Variants in VPS13D observed in about 807,000 individuals in gnomAD.
The protein encoded by VPS13D is vacuolar protein sorting 13 homolog D.
A neutral mutation model predicts 461.9 loss-of-function variants in VPS13D; 187 were observed. The ratio of observed to expected loss-of-function variants is 0.40; its 90% CI spans 0.36 to 0.46. The LOEUF is 0.46. VPS13D is among the 20% of genes least tolerant of loss of function. The probability of loss-of-function intolerance (pLI) is 0.60; values close to 1 mark genes in which losing one functional copy is unlikely to be tolerated. For synonymous variants in VPS13D, 1,951 were observed against 1,986.3 expected (o/e 0.98, Z 0.47); for missense variants, 4,711 against 5,364.9 (o/e 0.88, Z 3.81).
intron 67 of VPS13D, among the ~76,000 whole-genome samples, chr1:12,492,336 G>A (rs1222410170): frequency 6.6e-6 from 1 of 152,210 alleles, no homozygotes; most frequent in Admixed American, 6.5e-5. Flanking sequence ...ACAATAAGAA[G>A]ACATTTAATA....
intron 67 of VPS13D, among the ~76,000 whole-genome samples, chr1:12,477,137 C>G (rs555849275): frequency 1.3e-5 from 2 of 152,280 alleles, no homozygotes; most frequent in South Asian, 4.1e-4. Context: ...CTCTTAGTAT[C>G]AAGATGGGTG....
chr1:12,420,928 T>C (rs6663282), intron 65 of VPS13D, among the ~76,000 whole-genome samples: 7 of 152,224 alleles, frequency 4.6e-5, no homozygotes, highest in African/African-American at 1.7e-4. Context: ...CATCTGTGGA[T>C]AGATGCACAA....
rs917157269 is a variant in VPS13D, at chr1:12,505,930, G to A, written c.12795-923G>A. On this transcript the variant is annotated intron_variant, in intron 68 of 69. Coordinates refer to ENST00000620676, the MANE Select transcript of VPS13D (RefSeq NM_015378.4). The surrounding 1 kb of genome is among the most constrained non-coding windows in gnomAD (Gnocchi z 4.2). ...CCCCTTCAGAGGACCTGGGAACAAC[G>A]CCGTTCTGGACCCAGGTTTCAGAAC... Among the ~76,000 whole-genome samples the A allele has an allele frequency of 2.0e-5, 3 of 152,208 alleles. No homozygotes were observed. The highest frequency in any genetic ancestry group is 4.8e-5 in the African/African-American group (2 of 41,456).
chr1:12,386,906 A>G (rs1035215524), intron 60 of VPS13D, among the ~76,000 whole-genome samples: 2 of 152,208 alleles, frequency 1.3e-5, no homozygotes, highest in Non-Finnish European at 2.9e-5. Context: ...TACCCAGCAC[A>G]GTGGAGAAGT....
intron 26 of VPS13D, among the ~76,000 whole-genome samples, chr1:12,307,388 T>A (rs2101482192): frequency 6.6e-6 from 1 of 152,332 alleles, no homozygotes; most frequent in South Asian, 2.1e-4. Flanking sequence ...ACAGTAAGCC[T>A]GAGGCCTAGT....
At chr1:12,285,976 TC>T (rs1641958005) in intron 21 of VPS13D, among the ~76,000 whole-genome samples, 4 of 132,636 alleles carry the variant, frequency 3.0e-5, no homozygotes, top group African/African-American at 9.3e-5. Context: ...TCCTTTCCTT[TC>T]CTTTCCTTTC....
intron 65 of VPS13D, among the ~76,000 whole-genome samples, chr1:12,429,840 T>G (rs1644969719): frequency 6.6e-6 from 1 of 152,126 alleles, no homozygotes; most frequent in Non-Finnish European, 1.5e-5. Flanking sequence ...CAGGCTTCGC[T>G]TAAGGTAGCA....
intron 41 of VPS13D, 152 bp from the exon 42 acceptor site, chr1:12,342,747 G>C: frequency 1.3e-6 from 1 of 794,164 alleles, no homozygotes; most frequent in Non-Finnish European, 1.8e-6. Flanking sequence ...TATAGTTAGC[G>C]ACCCTCAAGG....
chr1:12,417,994 C>T (rs1312501366), intron 65 of VPS13D, among the ~76,000 whole-genome samples: 1 of 152,120 alleles, frequency 6.6e-6, no homozygotes, highest in Non-Finnish European at 1.5e-5. Context: ...ACAACCTCTG[C>T]CTCCCGAGTT....
intron 54 of VPS13D, among the ~76,000 whole-genome samples, chr1:12,371,896 G>A (rs570819609): frequency 5.9e-5 from 9 of 152,262 alleles, no homozygotes; most frequent in African/African-American, 2.2e-4. Flanking sequence ...ACAGAAGAGT[G>A]GAGTTGCTGG....
intron 6 of VPS13D, among the ~76,000 whole-genome samples, chr1:12,252,336 A>G (rs986878770): frequency 6.6e-6 from 1 of 152,150 alleles, no homozygotes; most frequent in Non-Finnish European, 1.5e-5. Flanking sequence ...ATGTACCAAT[A>G]CTGCCCCCAC....
chr1:12,504,247 G>A (rs1338033492), intron 68 of VPS13D, among the ~76,000 whole-genome samples: 1 of 152,192 alleles, frequency 6.6e-6, no homozygotes, highest in African/African-American at 2.4e-5. Flanking sequence ...GGAGGATGAT[G>A]GGGACAGAGC....
At chr1:12,392,194 C>G (rs1159392982) in intron 60 of VPS13D, among the ~76,000 whole-genome samples, 1 of 152,002 alleles carries the variant, frequency 6.6e-6, no homozygotes, top group Non-Finnish European at 1.5e-5. Flanking sequence ...CCATAAATGA[C>G]TATATTAAGA....
rs756907722 is a variant in VPS13D at position 12,283,292 on chromosome 1, A to G, written c.5190A>G (p.Glu1730=). 24 of 1,614,034 alleles carry G rather than the reference A, an allele frequency of 1.5e-5. No homozygotes were observed. The highest frequency in any genetic ancestry group is 1.9e-5 in the Non-Finnish European group (22 of 1,180,038). Residue 1730 remains glutamate (E), a synonymous_variant, in exon 21 of 70, where the codon GAA becomes GAG. Coordinates refer to ENST00000620676, the MANE Select transcript of VPS13D (RefSeq NM_015378.4). The part of the protein sequence containing the change: ...DMPRSLPSHM[E]EAPNVFQLYQ... ...CTCGGTCTCTCCCTTCCCACATGGA[A>G]GAAGCTCCTAATGTCTTCCAGTTGT...
intron 11 of VPS13D, 41 bp downstream of exon 11, chr1:12,260,835 C>T (rs769883435): frequency 6.2e-6 from 10 of 1,610,486 alleles, no homozygotes; most frequent in Non-Finnish European, 8.5e-7. Flanking sequence ...AGACCCAGCA[C>T]ACCCTGAGTG....
In VPS13D at chr1:12,505,163, C is replaced by T. The variant is rs1194191442; in HGVS notation, c.12795-1690C>T. Among the ~76,000 whole-genome samples, 11 of 152,202 alleles carry T rather than the reference C, an allele frequency of 7.2e-5. 1 individual carries two copies. The South Asian group carries it at 2.1e-3, about 29-fold the overall frequency. Reference sequence around the variant, plus strand: ...GGTGTAGGCTGCTTCCGGGTCTCATCTCAGATCCCCGCCAGTTCTGGCTGG... The same window carrying T: ...GGTGTAGGCTGCTTCCGGGTCTCATTTCAGATCCCCGCCAGTTCTGGCTGG... On this transcript the variant is annotated intron_variant, in intron 68 of 69. Transcript: ENST00000620676. The surrounding 1 kb of genome is among the most constrained non-coding windows in gnomAD (Gnocchi z 4.2).
At chr1:12,239,379 T>G (rs1640271291) in intron 2 of VPS13D, among the ~76,000 whole-genome samples, 1 of 152,232 alleles carries the variant, frequency 6.6e-6, no homozygotes, top group Non-Finnish European at 1.5e-5. Context: ...GCTCAAGCAA[T>G]CCTCCTGCCT....
intron 65 of VPS13D, among the ~76,000 whole-genome samples, chr1:12,446,461 A>G (rs770984184): frequency 6.6e-6 from 1 of 151,784 alleles, no homozygotes; most frequent in Non-Finnish European, 1.5e-5. Context: ...GATCAAGAGG[A>G]ATGAAGATTG....
At chr1:12,400,958 G>GCACACACACACACACA (rs752200366) in intron 61 of VPS13D, among the ~76,000 whole-genome samples, 1 of 80,438 alleles carries the variant, frequency 1.2e-5, no homozygotes, top group African/African-American at 4.9e-5. Flanking sequence ...GCACCTGCGC[G>GCACACACACACACACA]CGCGCACACA....
Sources: allele counts gnomAD v4.1 joint callset (sites outside exome capture counted in the v4.1 genomes callset), GRCh38; gene constraint gnomAD v4.1.1; non-coding constraint Gnocchi (gnomAD v3.1); transcripts MANE v1.5; gene names NCBI Gene and HGNC (gene_info 2026-07-23, HGNC 2026-07-21).